The following CACNA1C variants were observed in gnomAD, a reference collection of about 807,000 sequenced individuals.
The protein encoded by CACNA1C is calcium voltage-gated channel subunit alpha1 C.
Under a neutral mutation model 229.0 loss-of-function variants are expected in CACNA1C, and 30 were observed. The ratio of observed to expected loss-of-function variants is 0.13; its 90% confidence interval spans 0.10 to 0.18. CACNA1C has a LOEUF of 0.18. CACNA1C is among the 10% of genes least tolerant of loss of function. CACNA1C has a pLI of 1.00. For missense variants in CACNA1C, 1,658 were observed against 2,845.0 expected, an observed-to-expected ratio of 0.58 and a Z score of 9.49; for synonymous variants, 1,114 against 1,132.5, an observed-to-expected ratio of 0.98 and a Z score of 0.33.
chr12:2,320,303 A>G (rs1213945284), intron 3 of CACNA1C, among the ~76,000 whole-genome samples: 1 of 152,200 alleles, frequency 6.6e-6, no homozygotes, highest in Non-Finnish European at 1.5e-5. Flanking sequence ...TCCACCCTCT[A>G]TAGCTGCCTC....
Position 2,067,485 on chromosome 12 carries a change from C to CGCGT in CACNA1C, c.49+13876_49+13879dup. ...GTGTGTGTGTGTGTGTGTGTGTGCG[C>CGCGT]GCGTGTGCGTGCCTGTATGTAAGGG... On this transcript the variant is annotated intron_variant, in intron 1 of 46. Coordinates refer to ENST00000399655, the MANE Select transcript of CACNA1C (RefSeq NM_000719.7). The surrounding 1 kb of genome is among the most constrained non-coding windows in gnomAD (Gnocchi z 5.3). Among the ~76,000 whole-genome samples the CGCGT allele has an allele frequency of 2.5e-5, 1 of 39,600 alleles. No individual in the cohort carries two copies. The highest frequency in any genetic ancestry group is 0.016 in the Middle Eastern group (1 of 62). 26.0% of individuals were successfully genotyped at this position (39,600 alleles called of 152,430 possible).
At chr12:2,487,464 C>T (rs901002075) in intron 6 of CACNA1C, among the ~76,000 whole-genome samples, 1 of 146,732 alleles carries the variant, frequency 6.8e-6, no homozygotes, top group Admixed American at 6.8e-5. Flanking sequence ...GATGGATTAA[C>T]TGCATATTTG....
rs1406753316 is a variant in CACNA1C, at chr12:2,275,503, C to T, written c.477+155073C>T. Among the ~76,000 whole-genome samples, 1 of 152,076 alleles carries T rather than the reference C, an allele frequency of 6.6e-6. No individual in the cohort carries two copies. The highest frequency in any genetic ancestry group is 1.5e-5 in the Non-Finnish European group (1 of 68,014). On this transcript the variant is annotated intron_variant, in intron 3 of 46. Coordinates refer to ENST00000399655, the MANE Select transcript of CACNA1C (RefSeq NM_000719.7). This position sits in a 1 kb window ranked among gnomAD's most constrained non-coding sequence, Gnocchi z 4.1. ...CCTGTTCCATCCCACATGCAGCCTC[C>T]GTCCACTGTCCCCCAGCTCGCAACC... is the stretch of plus-strand genomic sequence containing the variant.
intron 6 of CACNA1C, among the ~76,000 whole-genome samples, chr12:2,490,084 A>G (rs1429450497): frequency 1.3e-5 from 2 of 152,256 alleles, no homozygotes; most frequent in Non-Finnish European, 2.9e-5. Context: ...TTACCAGATC[A>G]TCACTGCTTC....
rs758753816 is a variant in CACNA1C, at chr12:2,493,833, A to G, written c.1113+447A>G. 1.3e-5 allele frequency among the ~76,000 whole-genome samples: 2 copies of G among 152,232 alleles called. No individual in the cohort carries two copies. Among genetic ancestry groups the G allele is most frequent in the African/African-American group, 4.8e-5 (2 of 41,470 alleles). ...TCCTGATCTTCTAAAAAGAAGTTAT[A>G]TAAAGAAACCATTTTTATTGAATTG... On this transcript the variant is annotated intron_variant, in intron 7 of 46. Transcript: ENST00000399655. The surrounding 1 kb of genome is among the most constrained non-coding windows in gnomAD (Gnocchi z 4.6).
chr12:1,988,762 T>C (rs146996913), intron 1 of CACNA1C, among the ~76,000 whole-genome samples: 2,559 of 152,310 alleles, frequency 0.017, 72 homozygotes, highest in African/African-American at 0.057. Flanking sequence ...ATTTAGAAGA[T>C]GGGGGCTACC....
At chr12:2,124,767 G>A (rs150217777) in intron 3 of CACNA1C, among the ~76,000 whole-genome samples, 3 of 152,216 alleles carry the variant, frequency 2.0e-5, no homozygotes, top group Admixed American at 6.5e-5. Context: ...GTGATACGAG[G>A]AGCCAGGTGC....
rs551058874 is a variant in CACNA1C, at chr12:2,176,305, G to GC, written c.477+55877dup. Among the ~76,000 whole-genome samples the GC allele has an allele frequency of 2.0e-5, 3 of 152,282 alleles. No individual in the cohort carries two copies. In the East Asian group the frequency reaches 5.8e-4, roughly 29 times the overall value. On this transcript the variant is annotated intron_variant, in intron 3 of 46. Transcript: ENST00000399655. Reference sequence around the variant, plus strand: ...GTGTGGGGAAGATGGTAGGAGACGGGCCTAGAGAGGTGGTTGCAGGGGCAG... The same window carrying GC: ...GTGTGGGGAAGATGGTAGGAGACGGGCCCTAGAGAGGTGGTTGCAGGGGCAG...
intron 1 of CACNA1C, chr12:2,019,893 G>C (rs554126876): frequency 1.3e-5 from 2 of 152,268 alleles, no homozygotes; most frequent in South Asian, 2.1e-4. Context: ...GGAACCATTT[G>C]TTAAATTTCT....
intron 3 of CACNA1C, among the ~76,000 whole-genome samples, chr12:2,188,791 T>G (rs905034014): frequency 6.6e-6 from 1 of 152,108 alleles, no homozygotes; most frequent in Non-Finnish European, 1.5e-5. Flanking sequence ...CCCCAAATCC[T>G]TTAGAAGAAG....
At chr12:2,084,103 TG>T (rs996946874) in intron 1 of CACNA1C, among the ~76,000 whole-genome samples, 1 of 152,224 alleles carries the variant, frequency 6.6e-6, no homozygotes, top group Non-Finnish European at 1.5e-5. Flanking sequence ...TGGTGATAGT[TG>T]ATTTTTGAAA....
intron 3 of CACNA1C, among the ~76,000 whole-genome samples, chr12:2,236,562 G>A (rs1209423357): frequency 6.6e-6 from 1 of 152,014 alleles, no homozygotes; most frequent in African/African-American, 2.4e-5. Context: ...CTTTGCCAAG[G>A]GTCTTTCCTT....
intron 1 of CACNA1C, among the ~76,000 whole-genome samples, chr12:2,027,166 C>T (rs1383510650): frequency 6.6e-6 from 1 of 152,186 alleles, no homozygotes; most frequent in Non-Finnish European, 1.5e-5. Context: ...AACTCTCTTC[C>T]AGTGCTAAAC....
At chr12:2,366,289 C>A (rs1294052716) in intron 3 of CACNA1C, among the ~76,000 whole-genome samples, 3 of 151,888 alleles carry the variant, frequency 2.0e-5, no homozygotes, top group Non-Finnish European at 4.4e-5. Context: ...GTAAAGTGCC[C>A]AAAATTACAA....
Position 2,115,364 on chromosome 12 carries a change from C to G in CACNA1C, c.190C>G (p.Leu64Val). 6.2e-7 allele frequency: 1 copy of G among 1,601,250 alleles called. No individual in the cohort carries two copies. Among genetic ancestry groups the G allele is most frequent in the Non-Finnish European group, 8.5e-7 (1 of 1,176,150 alleles). The change falls in exon 2 of 47, where the codon CTG becomes GTG. Residue 64 changes from leucine (L) to valine (V), a missense_variant. Around this residue, in one of 20 missense-constraint regions of CACNA1C, gnomAD observed 111 missense variants for 128.0 expected, o/e 0.87. Coordinates refer to ENST00000399655, the MANE Select transcript of CACNA1C (RefSeq NM_000719.7). ...CATCGACGCAGCCCGGCAGGCTAAG[C>G]TGATGGGCAGCGCTGGCAATGCGAC... ...AAIDAARQAK[L>V]MGSAGNATIS...
At chr12:2,398,937 C>T (rs2098635184) in intron 3 of CACNA1C, among the ~76,000 whole-genome samples, 1 of 152,184 alleles carries the variant, frequency 6.6e-6, no homozygotes, top group African/African-American at 2.4e-5. Flanking sequence ...GGTGCCCCCT[C>T]AGTGCCCTGG....
chr12:2,150,822 C>G (rs1390240052), intron 3 of CACNA1C, among the ~76,000 whole-genome samples: 2 of 152,222 alleles, frequency 1.3e-5, no homozygotes, highest in Non-Finnish European at 2.9e-5. Context: ...TATTTTCTCA[C>G]TCTGATAACA....
At chr12:2,505,738 C>T (rs1454852680) in intron 8 of CACNA1C, among the ~76,000 whole-genome samples, 1 of 152,132 alleles carries the variant, frequency 6.6e-6, no homozygotes, top group Non-Finnish European at 1.5e-5. Flanking sequence ...TAGGATATTT[C>T]CTCAACCCAC....
chr12:2,024,089 G>A (rs2154488964), intron 1 of CACNA1C, among the ~76,000 whole-genome samples: 2 of 152,298 alleles, frequency 1.3e-5, no homozygotes, highest in South Asian at 4.2e-4. Context: ...TTGAGCTTGG[G>A]TTTCCTTCTC....
Sources: allele counts gnomAD v4.1 joint callset (sites outside exome capture counted in the v4.1 genomes callset), GRCh38; gene constraint gnomAD v4.1.1; regional missense constraint gnomAD v4.1.1; non-coding constraint Gnocchi (gnomAD v3.1); transcripts MANE v1.5; gene names NCBI Gene and HGNC (gene_info 2026-07-23, HGNC 2026-07-21).